Variants in RFX3 observed in about 807,000 individuals in gnomAD.
RFX3 encodes transcription factor RFX3.
RFX3 carries 14 observed loss-of-function variants against 98.6 expected under a neutral mutation model. The observed-to-expected ratio is 0.14, with a 90% CI of 0.09 to 0.22. The LOEUF (loss-of-function observed/expected upper bound fraction) is 0.22, where lower values mean the gene tolerates loss of function less well. Ranked by LOEUF, RFX3 falls within the 10% of genes least tolerant of loss-of-function variation. The pLI is 1.00. For missense variants in RFX3, 639 were observed against 926.9 expected (o/e 0.69, Z 4.03); for synonymous variants, 383 against 328.4 (o/e 1.17, Z -1.80).
chr9:3,238,426 T>A (rs1031669176), intron 15 of RFX3, among the ~76,000 whole-genome samples: 11 of 152,216 alleles, frequency 7.2e-5, no homozygotes, highest in African/African-American at 2.7e-4. Context: ...TGTGTGCATG[T>A]GTTTGCTGGA....
intron 6 of RFX3, among the ~76,000 whole-genome samples, chr9:3,292,061 CAAAAAAAAAAAAAAAAAAAAAAAAAAAA>C (rs58788880): frequency 4.2e-5 from 1 of 23,912 alleles, no homozygotes; most frequent in Non-Finnish European, 7.7e-5. Flanking sequence ...GACTCCATCT[CAAAAAAAAAAAAAAAAAAAAAAAAAAAA>C]AAAAAAAAAA....
At chr9:3,247,036 ATC>A in intron 15 of RFX3, 1 of 967,486 alleles carries the variant, frequency 1.0e-6, no homozygotes, top group Non-Finnish European at 1.2e-6. Context: ...ATTGAATAAT[ATC>A]TGTTTTCACT....
rs547877291 is a variant in RFX3 at position 3,224,877 on chromosome 9, G to T, written c.*165C>A. 4.3e-5 allele frequency: 25 copies of T among 577,222 alleles called. No homozygotes were observed. Among genetic ancestry groups the T allele is most frequent in the African/African-American group, 3.3e-4 (18 of 53,772 alleles). The allele number at this position is 577,222 out of a possible 1,614,324, so 35.8% of individuals were successfully genotyped here. ...ATAATTTGTTTACGTTAAAAAAAAA[G>T]ATCTGGCAAAATACATACACCCATT... On this transcript the variant is annotated 3_prime_UTR_variant, in exon 17 of 17. Coordinates refer to ENST00000617270, the MANE Select transcript of RFX3 (RefSeq NM_001282116.2).
At chr9:3,415,094 AC>A (rs1187801950) in intron 1 of RFX3, among the ~76,000 whole-genome samples, 4,457 of 95,980 alleles carry the variant, frequency 0.046, 297 homozygotes, top group African/African-American at 0.25. Context: ...TTATATATAT[AC>A]TCATATATAA....
chr9:3,298,413 G>A (rs1256160699), intron 5 of RFX3, among the ~76,000 whole-genome samples: 1 of 151,746 alleles, frequency 6.6e-6, no homozygotes, highest in African/African-American at 2.4e-5. Flanking sequence ...ATTGGCAAAG[G>A]CATCCTAGAA....
At chr9:3,404,576 T>C (rs183184332) in intron 1 of RFX3, among the ~76,000 whole-genome samples, 1 of 152,146 alleles carries the variant, frequency 6.6e-6, no homozygotes, top group Admixed American at 6.6e-5. Context: ...CCTTACTATA[T>C]AGCTATATTA....
chr9:3,440,867 T>G (rs920367233), intron 1 of RFX3, among the ~76,000 whole-genome samples: 2 of 152,176 alleles, frequency 1.3e-5, no homozygotes, highest in African/African-American at 4.8e-5. Flanking sequence ...AGACAGTATG[T>G]TACTGGGGTA....
intron 13 of RFX3, among the ~76,000 whole-genome samples, chr9:3,258,154 T>C (rs1399787237): frequency 2.0e-5 from 3 of 152,110 alleles, no homozygotes; most frequent in African/African-American, 4.8e-5. Flanking sequence ...GGGCCTCAGT[T>C]TCCCTAAGCA....
At chr9:3,516,877 G>T (rs1056594262) in intron 1 of RFX3, among the ~76,000 whole-genome samples, 5 of 152,152 alleles carry the variant, frequency 3.3e-5, no homozygotes, top group African/African-American at 4.8e-5. Context: ...AGCTGGCTCC[G>T]GCAGGAGCTC....
intron 15 of RFX3, among the ~76,000 whole-genome samples, chr9:3,232,064 AAG>A (rs368257079): frequency 0.63 from 94,820 of 151,506 alleles, 29,913 homozygotes; most frequent in East Asian, 0.82. Context: ...GCAAGCAAGC[AAG>A]CAAGCAAACA....
intron 15 of RFX3, among the ~76,000 whole-genome samples, chr9:3,241,458 G>C (rs866349886): frequency 1.3e-5 from 2 of 152,154 alleles, no homozygotes; most frequent in Middle Eastern, 3.2e-3. Flanking sequence ...CCACGCATAG[G>C]AAGCTAATGA....
In RFX3 at chr9:3,509,733, G is replaced by T. The variant is rs143005044; in HGVS notation, c.-9+16014C>A. ...ACTTGCTTTTTCTAGAAAAAAATAT[G>T]GAGTTCAAAATTATAGATAAACAGT... On this transcript the variant is annotated intron_variant, in intron 1 of 16. Transcript: ENST00000617270. Among the ~76,000 whole-genome samples, 299 of 152,008 alleles carry T rather than the reference G, an allele frequency of 2.0e-3. 2 individuals are homozygous for T. Among genetic ancestry groups the T allele is most frequent in the African/African-American group, 6.7e-3 (278 of 41,494 alleles).
intron 5 of RFX3, among the ~76,000 whole-genome samples, chr9:3,299,378 C>A (rs1419989739): frequency 6.6e-6 from 1 of 151,712 alleles, no homozygotes; most frequent in Non-Finnish European, 1.5e-5. Context: ...TAGGAAGAAA[C>A]TAACCTCACT....
chr9:3,305,899 GA>G (rs35045399), intron 4 of RFX3, among the ~76,000 whole-genome samples: 2 of 151,882 alleles, frequency 1.3e-5, no homozygotes, highest in African/African-American at 4.8e-5. Flanking sequence ...CCAATCTCAA[GA>G]AAAAAATGGC....
intron 2 of RFX3, among the ~76,000 whole-genome samples, chr9:3,385,893 C>T (rs1839665728): frequency 6.6e-6 from 1 of 152,190 alleles, no homozygotes; most frequent in South Asian, 2.1e-4. Context: ...CACAATGCCA[C>T]ACTTGATCCA....
intron 2 of RFX3, among the ~76,000 whole-genome samples, chr9:3,376,979 C>G (rs1156833265): frequency 1.3e-5 from 2 of 152,184 alleles, no homozygotes; most frequent in Admixed American, 1.3e-4. Context: ...AATAGGAACA[C>G]TTTTACACTG....
chr9:3,507,767 T>C (rs564885123), intron 1 of RFX3, among the ~76,000 whole-genome samples: 1 of 152,158 alleles, frequency 6.6e-6, no homozygotes, highest in Non-Finnish European at 1.5e-5. Context: ...TATATAAAGT[T>C]GTTATACTGT....
chr9:3,330,628 A>T (rs1179273256), intron 3 of RFX3, 111 bp from the exon 4 acceptor site: 1 of 1,015,832 alleles, frequency 9.8e-7, no homozygotes. Context: ...CCTTTGCAAC[A>T]TGGCAAGTTT....
At chr9:3,340,042 C>T (rs201761416) in intron 3 of RFX3, among the ~76,000 whole-genome samples, 1 of 152,094 alleles carries the variant, frequency 6.6e-6, no homozygotes. Flanking sequence ...ATGGTACTGG[C>T]ACCAAAACAA....
Sources: allele counts gnomAD v4.1 joint callset (sites outside exome capture counted in the v4.1 genomes callset), GRCh38; gene constraint gnomAD v4.1.1; transcripts MANE v1.5; gene names NCBI Gene and HGNC (gene_info 2026-07-23, HGNC 2026-07-21).